TRERF1: variants seen among roughly 807,000 people sequenced by gnomAD.
TRERF1 encodes the protein transcriptional regulating factor 1, also known as transcriptional-regulating factor 1.
In TRERF1, 27 loss-of-function variants were observed where a neutral mutation model predicts 122.9. The ratio of observed to expected loss-of-function variants is 0.22; its 90% CI spans 0.16 to 0.30. The LOEUF is 0.30. Ranked by LOEUF, TRERF1 falls within the 10% of genes least tolerant of loss-of-function variation. TRERF1 has a pLI of 1.00. For synonymous variants in TRERF1, 636 were observed against 641.7 expected (o/e 0.99, Z 0.13); for missense variants, 1,248 against 1,560.3 (o/e 0.80, Z 3.37).
chr6:42,277,913 AAG>A (rs1174780439), intron 4 of TRERF1, among the ~76,000 whole-genome samples: 1 of 92,464 alleles, frequency 1.1e-5, no homozygotes, highest in Non-Finnish European at 2.2e-5. Flanking sequence ...AAGGAAGAAG[AAG>A]AAGAAGAAGA....
chr6:42,384,702 C>T (rs1190591018), intron 2 of TRERF1, among the ~76,000 whole-genome samples: 4 of 152,196 alleles, frequency 2.6e-5, no homozygotes, highest in Non-Finnish European at 4.4e-5. Flanking sequence ...GCATGCAACA[C>T]GCATTATAGT....
At chr6:42,241,369 T>C (rs962309623) in intron 15 of TRERF1, among the ~76,000 whole-genome samples, 1 of 152,232 alleles carries the variant, frequency 6.6e-6, no homozygotes, top group Admixed American at 6.5e-5. Context: ...CTTTCTCTGT[T>C]ATTTGGGCTC....
At chr6:42,314,891 C>T (rs9394895) in intron 3 of TRERF1, among the ~76,000 whole-genome samples, 5,628 of 152,220 alleles carry the variant, frequency 0.037, 271 homozygotes, top group East Asian at 0.25. Flanking sequence ...GATTTTAAAA[C>T]AAAACAGAAG....
chr6:42,369,810 C>G (rs1455585636), intron 2 of TRERF1, among the ~76,000 whole-genome samples: 2 of 152,172 alleles, frequency 1.3e-5, no homozygotes, highest in East Asian at 3.8e-4. Context: ...CCCACTGTTG[C>G]ATTCACCTTC....
At chr6:42,297,832 C>T (rs1053066697) in intron 4 of TRERF1, among the ~76,000 whole-genome samples, 3 of 152,008 alleles carry the variant, frequency 2.0e-5, no homozygotes, top group Non-Finnish European at 4.4e-5. Flanking sequence ...AAAAAATGAG[C>T]AATTCACAGG....
chr6:42,234,420 C>T (rs1771600371), intron 16 of TRERF1, among the ~76,000 whole-genome samples: 1 of 151,996 alleles, frequency 6.6e-6, no homozygotes, highest in South Asian at 2.1e-4. Context: ...TTACCGCAAC[C>T]TCTGCCTCCT....
intron 3 of TRERF1, among the ~76,000 whole-genome samples, chr6:42,356,190 C>G (rs778381604): frequency 6.6e-6 from 1 of 152,212 alleles, no homozygotes; most frequent in Non-Finnish European, 1.5e-5. Flanking sequence ...TGCAGGGCCC[C>G]TGGACCAGTG....
At chr6:42,429,691 G>A (rs1019087212) in intron 2 of TRERF1, among the ~76,000 whole-genome samples, 2 of 152,122 alleles carry the variant, frequency 1.3e-5, no homozygotes, top group African/African-American at 4.8e-5. Context: ...ATATATTTAC[G>A]GAGCGCCTAC....
chr6:42,427,777 T>C (rs1034797820), intron 2 of TRERF1, among the ~76,000 whole-genome samples: 2 of 151,970 alleles, frequency 1.3e-5, no homozygotes, highest in African/African-American at 2.4e-5. Context: ...CTTGAACTCC[T>C]AGGCTCAAAT....
At position 42,275,382 on chromosome 6, in the gene TRERF1, G is replaced by A. The variant is rs1333822776; in HGVS notation, c.-258-5534C>T. 6.6e-6 allele frequency among the ~76,000 whole-genome samples: 1 copy of A among 152,124 alleles called. No homozygotes were observed. Among genetic ancestry groups the A allele is most frequent in the Non-Finnish European group, 1.5e-5 (1 of 68,018 alleles). ...TAGAGCAGGACTCCAGGATTCCAGG[G>A]TGGGCTCAACAAATAAATGCCCACT... On this transcript the variant is annotated intron_variant, in intron 4 of 17. Transcript: ENST00000372922. This position sits in a 1 kb window ranked among gnomAD's most constrained non-coding sequence, Gnocchi z 4.1.
intron 4 of TRERF1, among the ~76,000 whole-genome samples, chr6:42,273,607 G>T (rs1298125458): frequency 6.6e-6 from 1 of 152,176 alleles, no homozygotes. Flanking sequence ...ATAAAGTCAG[G>T]TGCAGGAGTT....
At chr6:42,419,150 G>A (rs2151535857) in intron 2 of TRERF1, among the ~76,000 whole-genome samples, 1 of 152,272 alleles carries the variant, frequency 6.6e-6, no homozygotes, top group South Asian at 2.1e-4. Context: ...GAAGATTCTG[G>A]AAACTGATAT....
chr6:42,354,386 CT>C (rs11339393), intron 3 of TRERF1, among the ~76,000 whole-genome samples: 37,497 of 145,160 alleles, frequency 0.26, 9,945 homozygotes, highest in African/African-American at 0.68. Context: ...TGTTGTTTCC[CT>C]TTTTTTTTTT....
chr6:42,360,771 T>TAAAAAAAAAAA (rs55924002), intron 3 of TRERF1, among the ~76,000 whole-genome samples: 1 of 36,418 alleles, frequency 2.7e-5, no homozygotes, highest in Non-Finnish European at 5.1e-5. Flanking sequence ...GTGGAGAGAT[T>TAAAAAAAAAAA]AAAAAAAAAA....
chr6:42,369,462 A>G (rs1162976311), intron 2 of TRERF1, among the ~76,000 whole-genome samples: 1 of 152,044 alleles, frequency 6.6e-6, no homozygotes, highest in African/African-American at 2.4e-5. Context: ...TGAACAAACA[A>G]ACAAACAAAC....
chr6:42,392,069 C>T (rs1315540428), intron 2 of TRERF1, among the ~76,000 whole-genome samples: 1 of 152,112 alleles, frequency 6.6e-6, no homozygotes, highest in Non-Finnish European at 1.5e-5. Context: ...CAGACCTCAT[C>T]GACACCTGAC....
chr6:42,314,598 T>C (rs1227722647), intron 3 of TRERF1, among the ~76,000 whole-genome samples: 1 of 152,154 alleles, frequency 6.6e-6, no homozygotes, highest in Non-Finnish European at 1.5e-5. Context: ...AAAATAAAAA[T>C]TATTATAATT....
chr6:42,244,445 A>G (rs971417053), intron 14 of TRERF1, among the ~76,000 whole-genome samples: 1 of 152,198 alleles, frequency 6.6e-6, no homozygotes, highest in Non-Finnish European at 1.5e-5. Context: ...TGGCCTCCCA[A>G]AGTGCTGGGA....
chr6:42,436,814 A>AAAAATATATATATATAT (rs61427173), intron 2 of TRERF1, among the ~76,000 whole-genome samples: 1 of 66,694 alleles, frequency 1.5e-5, no homozygotes, highest in African/African-American at 5.3e-5. Context: ...AAAAAAAAAA[A>AAAAATATATATATATAT]ATATATATAT....
Sources: gnomAD v4.1 joint callset for allele counts (sites outside exome capture counted in the v4.1 genomes callset) on GRCh38, gnomAD v4.1.1 for gene constraint, Gnocchi (gnomAD v3.1) non-coding constraint, MANE v1.5 for transcripts, NCBI Gene and HGNC (gene_info 2026-07-23, HGNC 2026-07-21) for gene names.